Variants in CNTNAP2 observed in about 807,000 individuals in gnomAD.
CNTNAP2 encodes the protein contactin associated protein 2.
In CNTNAP2, 98 loss-of-function variants were observed where a neutral mutation model predicts 155.2. That is an observed-to-expected ratio of 0.63 (90% CI 0.54 to 0.75). The LOEUF (loss-of-function observed/expected upper bound fraction) is 0.75, where lower values mean the gene tolerates loss of function less well. Ranked by LOEUF, CNTNAP2 falls within the 30% of genes least tolerant of loss-of-function variation. CNTNAP2 has a pLI of 0.00. For synonymous variants in CNTNAP2, 651 were observed against 631.2 expected (o/e 1.03, Z -0.47); for missense variants, 1,727 against 1,688.1 (o/e 1.02, Z -0.40).
chr7:146,262,091 G>A (rs1584833696), intron 1 of CNTNAP2, among the ~76,000 whole-genome samples: 2 of 152,244 alleles, frequency 1.3e-5, no homozygotes, highest in South Asian at 2.1e-4. Context: ...GTCCTCTCCT[G>A]TCCCTGCCAC....
At chr7:147,595,430 A>T (rs1256976290) in intron 12 of CNTNAP2, among the ~76,000 whole-genome samples, 1 of 152,196 alleles carries the variant, frequency 6.6e-6, no homozygotes, top group Non-Finnish European at 1.5e-5. Flanking sequence ...TCTGGATATA[A>T]ATGTTACTCT....
chr7:147,622,127 G>A (rs959806111), intron 12 of CNTNAP2, among the ~76,000 whole-genome samples: 3 of 151,834 alleles, frequency 2.0e-5, no homozygotes, highest in Non-Finnish European at 2.9e-5. Context: ...GGAGTACCGC[G>A]ATATATAAAG....
At chr7:147,979,646 G>A (rs545085121) in intron 15 of CNTNAP2, among the ~76,000 whole-genome samples, 2 of 151,670 alleles carry the variant, frequency 1.3e-5, no homozygotes, top group South Asian at 2.1e-4. Flanking sequence ...TTTTTGAGAC[G>A]GAGTCTTGCT....
chr7:146,645,214 G>A (rs1056188667), intron 1 of CNTNAP2, among the ~76,000 whole-genome samples: 26 of 152,220 alleles, frequency 1.7e-4, no homozygotes, highest in African/African-American at 6.3e-4. Context: ...ACAATTCCCT[G>A]AATGAATAAT....
chr7:147,456,591 G>T (rs1341270702), intron 10 of CNTNAP2, among the ~76,000 whole-genome samples: 4 of 152,094 alleles, frequency 2.6e-5, no homozygotes, highest in African/African-American at 9.7e-5. Flanking sequence ...CAGAAGAAAG[G>T]AAAGAGGAAA....
intron 13 of CNTNAP2, among the ~76,000 whole-genome samples, chr7:147,875,967 G>T (rs972451178): frequency 6.6e-6 from 1 of 152,142 alleles, no homozygotes; most frequent in African/African-American, 2.4e-5. Context: ...GTCCCATCTA[G>T]GGCTAAATGT....
chr7:148,085,313 T>C (rs1340011574), intron 15 of CNTNAP2, among the ~76,000 whole-genome samples: 3 of 152,218 alleles, frequency 2.0e-5, no homozygotes, highest in Non-Finnish European at 4.4e-5. Flanking sequence ...AAAATGATGA[T>C]TCTTAAGGAT....
intron 14 of CNTNAP2, among the ~76,000 whole-genome samples, chr7:147,929,441 G>A (rs578125512): frequency 7.2e-5 from 11 of 151,914 alleles, no homozygotes; most frequent in Non-Finnish European, 1.3e-4. Context: ...ACAAACTCAG[G>A]TTTTACTATC....
chr7:146,930,609 C>T (rs146862345), intron 3 of CNTNAP2, among the ~76,000 whole-genome samples: 1 of 152,120 alleles, frequency 6.6e-6, no homozygotes. Flanking sequence ...TGTAAATGGA[C>T]TAAATTCTCC....
intron 3 of CNTNAP2, among the ~76,000 whole-genome samples, chr7:147,038,223 A>C (rs1472451465): frequency 1.3e-5 from 2 of 152,204 alleles, no homozygotes; most frequent in African/African-American, 4.8e-5. Context: ...AATCCTGAAG[A>C]AAATATATAG....
At chr7:147,816,065 G>C (rs1351053497) in intron 13 of CNTNAP2, among the ~76,000 whole-genome samples, 1 of 152,238 alleles carries the variant, frequency 6.6e-6, no homozygotes, top group Admixed American at 6.5e-5. Flanking sequence ...GTATAAAAAT[G>C]CAACGATCTG....
At chr7:147,838,905 T>C (rs1227337349) in intron 13 of CNTNAP2, among the ~76,000 whole-genome samples, 1 of 152,138 alleles carries the variant, frequency 6.6e-6, no homozygotes, top group Non-Finnish European at 1.5e-5. Flanking sequence ...ATTAGGGTTC[T>C]CTAGAGGGAC....
At chr7:146,775,107 A>G (rs993165411) in intron 2 of CNTNAP2, among the ~76,000 whole-genome samples, 1 of 152,226 alleles carries the variant, frequency 6.6e-6, no homozygotes, top group Non-Finnish European at 1.5e-5. Context: ...AACAGAGACC[A>G]TGATGTTTAA....
chr7:148,351,744 C>CA lies in CNTNAP2; in HGVS notation c.3476-31889dup, dbSNP rs71188974. ...GGCAACAGAGTGAGACTCTGTCTCA[C>CA]AAAAAAAAAAAAAAAATAGAAACCG... On this transcript the variant is annotated intron_variant, in intron 21 of 23. Coordinates refer to ENST00000361727, the MANE Select transcript of CNTNAP2 (RefSeq NM_014141.6). 7.3e-3 allele frequency among the ~76,000 whole-genome samples: 626 copies of CA among 85,396 alleles called. 28 individuals carry two copies. Among genetic ancestry groups the CA allele is most frequent in the Middle Eastern group, 0.045 (5 of 112 alleles). The allele number at this position is 85,396 out of a possible 152,430, so 56.0% of individuals were successfully genotyped here.
intron 1 of CNTNAP2, among the ~76,000 whole-genome samples, chr7:146,663,313 GAAAGGAAAAAA>G (rs1800128871): frequency 6.3e-5 from 8 of 127,720 alleles, no homozygotes; most frequent in African/African-American, 2.7e-4. Flanking sequence ...GAAAGAAAAA[GAAAGGAAAAAA>G]AAAGAAATCA....
intron 13 of CNTNAP2, among the ~76,000 whole-genome samples, chr7:147,808,879 T>C (rs1292089159): frequency 6.6e-6 from 1 of 152,222 alleles, no homozygotes; most frequent in Non-Finnish European, 1.5e-5. Flanking sequence ...ACCTTTCTAA[T>C]AATTTTGAAA....
At chr7:148,288,944 C>CAAAAAAAAAAAAAAAAAAAAAAA (rs58641348) in intron 21 of CNTNAP2, among the ~76,000 whole-genome samples, 1 of 101,794 alleles carries the variant, frequency 9.8e-6, no homozygotes, top group African/African-American at 3.6e-5. Context: ...TCTTATTCAG[C>CAAAAAAAAAAAAAAAAAAAAAAA]AAAAAAAAAA....
intron 4 of CNTNAP2, among the ~76,000 whole-genome samples, chr7:147,094,283 A>G (rs953243136): frequency 2.0e-5 from 3 of 152,200 alleles, no homozygotes; most frequent in African/African-American, 7.2e-5. Context: ...CCACTTAGGT[A>G]TACCTTAAGA....
At chr7:146,568,307 G>A (rs1798388672) in intron 1 of CNTNAP2, among the ~76,000 whole-genome samples, 2 of 152,206 alleles carry the variant, frequency 1.3e-5, no homozygotes. Context: ...GGATAAGGCA[G>A]TATCTCTGGC....
Sources: gnomAD v4.1 joint callset for allele counts (sites outside exome capture counted in the v4.1 genomes callset) on GRCh38, gnomAD v4.1.1 for gene constraint, MANE v1.5 for transcripts, NCBI Gene and HGNC (gene_info 2026-07-23, HGNC 2026-07-21) for gene names.